The following AGMO variants were observed in gnomAD, a reference collection of about 807,000 sequenced individuals.
The protein encoded by AGMO is glyceryl-ether monooxygenase.
AGMO carries 75 observed loss-of-function variants against 60.2 expected under a neutral mutation model. The observed-to-expected ratio is 1.25, with a 90% CI of 1.03 to 1.51. AGMO has a LOEUF of 1.51. Among genes scored for constraint, AGMO ranks in the 40% most tolerant of loss-of-function variants. The pLI is 0.00. For missense variants in AGMO, 763 were observed against 525.5 expected (o/e 1.45, Z -4.42); for synonymous variants, 261 against 177.1 (o/e 1.47, Z -3.76).
intron 12 of AGMO, among the ~76,000 whole-genome samples, chr7:15,321,265 T>C (rs1186566187): frequency 1.3e-5 from 2 of 152,148 alleles, no homozygotes; most frequent in South Asian, 2.1e-4. Context: ...AGATAGATTG[T>C]TGGACAAAGA....
At chr7:15,497,756 C>T (rs1783270576) in intron 3 of AGMO, among the ~76,000 whole-genome samples, 1 of 151,954 alleles carries the variant, frequency 6.6e-6, no homozygotes, top group African/African-American at 2.4e-5. Flanking sequence ...TCAGTGGTTA[C>T]TAAAATCGAA....
At chr7:15,224,078 T>C (rs1216670658) in intron 12 of AGMO, among the ~76,000 whole-genome samples, 2 of 151,980 alleles carry the variant, frequency 1.3e-5, no homozygotes, top group Non-Finnish European at 2.9e-5. Flanking sequence ...AAGAGAGATC[T>C]AAATTAAATG....
intron 12 of AGMO, among the ~76,000 whole-genome samples, chr7:15,271,396 T>A (rs1056947551): frequency 1.3e-5 from 2 of 152,198 alleles, no homozygotes; most frequent in African/African-American, 2.4e-5. Flanking sequence ...CTTGGTTAAA[T>A]GTATTCCTAG....
the AGMO span, among the ~76,000 whole-genome samples, chr7:15,184,796 G>A: frequency 7.0e-6 from 1 of 142,476 alleles, no homozygotes; most frequent in African/African-American, 2.6e-5. Context: ...AAGGAAGGGA[G>A]GAAGAGAGGG....
At chr7:15,271,390 G>T (rs1783606628) in intron 12 of AGMO, among the ~76,000 whole-genome samples, 1 of 152,018 alleles carries the variant, frequency 6.6e-6, no homozygotes, top group Admixed American at 6.6e-5. Context: ...CAGCTTCTTG[G>T]TTAAATGTAT....
At chr7:15,247,310 T>G (rs1782769039) in intron 12 of AGMO, among the ~76,000 whole-genome samples, 1 of 152,150 alleles carries the variant, frequency 6.6e-6, no homozygotes, top group South Asian at 2.1e-4. Flanking sequence ...AATATTTTTC[T>G]TTAAAATTTA....
intron 12 of AGMO, among the ~76,000 whole-genome samples, chr7:15,326,893 TACCAAA>T (rs1781353907): frequency 6.6e-6 from 1 of 152,196 alleles, no homozygotes; most frequent in African/African-American, 2.4e-5. Context: ...TGGAAAAGAT[TACCAAA>T]CTAGAGATCC....
intron 3 of AGMO, among the ~76,000 whole-genome samples, chr7:15,432,844 G>A (rs1336340495): frequency 2.0e-5 from 3 of 151,870 alleles, no homozygotes; most frequent in East Asian, 3.9e-4. Context: ...TTATTGATAA[G>A]CCTAATGGCT....
chr7:15,307,176 C>CA (rs1408571873), intron 12 of AGMO, among the ~76,000 whole-genome samples: 3 of 151,894 alleles, frequency 2.0e-5, no homozygotes, highest in African/African-American at 7.3e-5. Context: ...TAGTTGTTAA[C>CA]AGTCTTGTGA....
intron 12 of AGMO, among the ~76,000 whole-genome samples, chr7:15,233,863 G>A (rs575092013): frequency 2.0e-5 from 3 of 152,146 alleles, no homozygotes; most frequent in East Asian, 1.9e-4. Context: ...CCTGACCAAC[G>A]TGGTGAAACC....
intron 12 of AGMO, among the ~76,000 whole-genome samples, chr7:15,218,431 C>A (rs1263182586): frequency 6.7e-6 from 1 of 149,394 alleles, no homozygotes; most frequent in Non-Finnish European, 1.5e-5. Context: ...ACTCTTTCAA[C>A]AGTTCTTTCA....
intron 12 of AGMO, 42 bp downstream of exon 12, chr7:15,365,472 T>C: frequency 7.9e-7 from 1 of 1,273,632 alleles, no homozygotes; most frequent in East Asian, 2.5e-5. Context: ...AAATGTGCGA[T>C]AGGTATACGC....
chr7:15,299,083 C>A (rs1280803598), intron 12 of AGMO, among the ~76,000 whole-genome samples: 1 of 152,140 alleles, frequency 6.6e-6, no homozygotes, highest in Admixed American at 6.5e-5. Flanking sequence ...TTCATCAACA[C>A]CCCAGTAGTT....
intron 12 of AGMO, among the ~76,000 whole-genome samples, chr7:15,293,465 T>C (rs1220534973): frequency 1.3e-5 from 2 of 152,126 alleles, no homozygotes; most frequent in East Asian, 3.9e-4. Context: ...CTCCAGATGA[T>C]CTCTGCATGC....
At chr7:15,423,387 A>G (rs1214787658) in intron 4 of AGMO, among the ~76,000 whole-genome samples, 1 of 152,162 alleles carries the variant, frequency 6.6e-6, no homozygotes, top group Non-Finnish European at 1.5e-5. Context: ...GTTTCTATTT[A>G]GAAAGTCATT....
At chr7:15,338,615 G>C (rs1031961389) in intron 12 of AGMO, among the ~76,000 whole-genome samples, 7 of 152,116 alleles carry the variant, frequency 4.6e-5, no homozygotes, top group Middle Eastern at 3.4e-3. Flanking sequence ...ACAACTTTAA[G>C]ACTAATAAAA....
intron 12 of AGMO, among the ~76,000 whole-genome samples, chr7:15,247,154 TA>T (rs560016330): frequency 1.2e-4 from 18 of 146,024 alleles, no homozygotes; most frequent in Middle Eastern, 3.5e-3. Context: ...CTGGTTATCC[TA>T]AAAAAAAAAC....
At chr7:15,530,298 C>T (rs1471665295) in intron 3 of AGMO, among the ~76,000 whole-genome samples, 1 of 32,250 alleles carries the variant, frequency 3.1e-5, no homozygotes, top group African/African-American at 1.2e-4. Flanking sequence ...ATTCTATATA[C>T]GTATTTCCAT....
chr7:15,201,457 G>T, intron 12 of AGMO, 98 bp from the exon 13 acceptor site: 1 of 770,914 alleles, frequency 1.3e-6, no homozygotes, highest in Non-Finnish European at 2.1e-6. Context: ...AAATGAACAT[G>T]GACATTTTAG....
Sources: allele counts gnomAD v4.1 joint callset (sites outside exome capture counted in the v4.1 genomes callset), GRCh38; gene constraint gnomAD v4.1.1; transcripts MANE v1.5; gene names NCBI Gene and HGNC (gene_info 2026-07-23, HGNC 2026-07-21).